Variants in EMG1 observed in about 807,000 individuals in gnomAD.
EMG1 encodes EMG1 N1-specific pseudouridine methyltransferase.
Under a neutral mutation model 26.9 loss-of-function variants are expected in EMG1, and 24 were observed. That is an observed-to-expected ratio of 0.89 (90% CI 0.65 to 1.26). EMG1 has a LOEUF of 1.26. EMG1 is among the 50% of genes most tolerant of loss of function. The pLI is 0.00. For missense variants in EMG1, 299 were observed against 307.6 expected, an observed-to-expected ratio of 0.97 and a Z score of 0.21; for synonymous variants, 140 against 112.6, an observed-to-expected ratio of 1.24 and a Z score of -1.54.
rs1946438166 is a variant in EMG1 at position 6,978,799 on chromosome 12, C to T, written c.*2990C>T. 1 of 1,492,460 alleles carries T rather than the reference C, an allele frequency of 6.7e-7. No individual in the cohort carries two copies. The highest frequency in any genetic ancestry group is 9.0e-7 in the Non-Finnish European group (1 of 1,110,242). 92.5% of individuals were successfully genotyped at this position (1,492,460 alleles called of 1,614,324 possible). ...TGGCTACTTCATACCTGCCTGAGTC[C>T]TGCTGCCAGATGCCCTCAATAGTCT... On this transcript the variant is annotated 3_prime_UTR_variant, in exon 6 of 6. Coordinates refer to ENST00000599672, the MANE Select transcript of EMG1 (RefSeq NM_006331.8).
At chr12:6,993,204 C>G (rs139449440), downstream of EMG1, among the ~76,000 whole-genome samples, 2,217 of 152,072 alleles carry the variant, frequency 0.015, 28 homozygotes, top group Admixed American at 0.022. Flanking sequence ...CTTTGGGAGC[C>G]GGAGGAGGGC....
chr12:6,978,182 G>T lies in EMG1; in HGVS notation c.*2373G>T. 1.2e-6 allele frequency: 1 copy of T among 805,742 alleles called. No homozygotes were observed. Among genetic ancestry groups the T allele is most frequent in the Non-Finnish European group, 2.0e-6 (1 of 509,940 alleles). The allele number at this position is 805,742 out of a possible 1,614,324, so 49.9% of individuals were successfully genotyped here. A position where few individuals can be genotyped will look rare whatever the true frequency, so the allele number is the denominator to read the frequency against. On this transcript the variant is annotated 3_prime_UTR_variant, in exon 6 of 6. Transcript: ENST00000599672. Reference sequence around the variant, plus strand: ...AATATGACAGTAATGGTTTTTTTGGGAGGGGGGTATAGGTGGGGGTCAAAG... The same window carrying T: ...AATATGACAGTAATGGTTTTTTTGGTAGGGGGGTATAGGTGGGGGTCAAAG...
At chr12:6,982,534 C>A, downstream of EMG1, 1 of 632,254 alleles carries the variant, frequency 1.6e-6, no homozygotes, top group South Asian at 2.0e-5. Flanking sequence ...TGATAAGCCA[C>A]CTACCTGAAG....
In EMG1 at chr12:6,974,340, T is replaced by C. The variant is rs2138320729; in HGVS notation, c.170T>C (p.Val57Ala). Residue 57 changes from valine to alanine, a missense_variant and splice_region_variant, in exon 2 of 6, where the codon GTA (valine) becomes GCA (alanine). By Grantham distance (64) the Val-to-Ala change is moderately conservative (BLOSUM62 0). Transcript: ENST00000599672. ...LEGASLETVK[V>A]GKTYELLNCD... ...CTCGTCATGTTCCCTGTTCTTCAGG[T>C]AGGGAAGACATATGAGCTACTCAAC... 6.2e-7 allele frequency: 1 copy of C among 1,606,638 alleles called. No individual in the cohort carries two copies. Among genetic ancestry groups the C allele is most frequent in the African/African-American group, 1.3e-5 (1 of 74,904 alleles).
Position 6,978,487 on chromosome 12 carries a change from C to T in EMG1, c.*2678C>T, listed in dbSNP as rs146035844. On this transcript the variant is annotated 3_prime_UTR_variant, in exon 6 of 6. Transcript: ENST00000599672. ...CTTCAAAGCCATTGAAGCCCAGGCC[C>T]GTCAAAATGCATACTCCTTCCTGAG... is the stretch of plus-strand genomic sequence containing the variant. The T allele has an allele frequency of 3.2e-5, 51 of 1,613,294 alleles. No individual in the cohort carries two copies. The highest frequency in any genetic ancestry group is 3.9e-5 in the Non-Finnish European group (46 of 1,179,488).
intron 6 of EMG1, among the ~76,000 whole-genome samples, chr12:6,985,134 G>T (rs1004014876): frequency 2.6e-4 from 38 of 145,910 alleles, no homozygotes; most frequent in African/African-American, 9.1e-4. Context: ...GCTCATGCCT[G>T]TAATCCCAGC....
chr12:6,986,168 A>G (rs1357108289), intron 6 of EMG1, among the ~76,000 whole-genome samples: 5 of 151,998 alleles, frequency 3.3e-5, no homozygotes, highest in Non-Finnish European at 7.4e-5. Context: ...TGATCAACAC[A>G]ATTTTGAACA....
intron 7 of EMG1, among the ~76,000 whole-genome samples, chr12:6,994,420 C>T (rs782358943): frequency 2.0e-5 from 3 of 152,108 alleles, no homozygotes; most frequent in African/African-American, 4.8e-5. Flanking sequence ...GTTGGCCAGG[C>T]TAGTCTCGAA....
Position 6,979,158 on chromosome 12 carries a change from G to T in EMG1, c.*3349G>T. On this transcript the variant is annotated 3_prime_UTR_variant, in exon 6 of 6. Transcript: ENST00000599672. ...ATGTATCAGTCAAGAGAAGAAAATA[G>T]GATGGAGAATCAGAAGCTGCTGTGC... The T allele has an allele frequency of 2.6e-6, 1 of 386,930 alleles. No individual in the cohort carries two copies. The highest frequency in any genetic ancestry group is 4.9e-5 in the East Asian group (1 of 20,406). 24.0% of individuals were successfully genotyped at this position (386,930 alleles called of 1,614,324 possible).
chr12:6,992,296 G>A (rs1176085959), downstream of EMG1, among the ~76,000 whole-genome samples: 16 of 151,244 alleles, frequency 1.1e-4, no homozygotes, highest in East Asian at 5.8e-4. Flanking sequence ...TGCCCCCACC[G>A]CACTCTAGCC....
chr12:6,995,121 CTT>C (rs34836555), intron 7 of EMG1, among the ~76,000 whole-genome samples: 572 of 144,772 alleles, frequency 4.0e-3, no homozygotes, highest in Admixed American at 4.5e-3. Flanking sequence ...CTTCTCTGGG[CTT>C]TTTTTTTTTT....
Position 6,975,122 on chromosome 12 carries a change from G to C in EMG1, c.445G>C (p.Ala149Pro), listed in dbSNP as rs1171472029. The change falls in exon 4 of 6, where the codon GCT becomes CCT. Residue 149 changes from alanine (A) to proline (P), a missense_variant. Coordinates refer to ENST00000599672, the MANE Select transcript of EMG1 (RefSeq NM_006331.8). Reference protein sequence around the residue: ...QLLHKLSVRAADGPQKLLKVI... With the variant: ...QLLHKLSVRAPDGPQKLLKVI... The stretch of plus-strand genomic sequence containing the variant: ...TTTACACAAGCTCAGTGTTCGAGCA[G>C]CTGATGGCCCCCAGAAGCTTTTGAA... The C allele has an allele frequency of 9.3e-6, 15 of 1,613,958 alleles. No individual in the cohort carries two copies. The highest frequency in any genetic ancestry group is 1.7e-5 in the Admixed American group (1 of 60,008).
downstream of EMG1, among the ~76,000 whole-genome samples, chr12:6,991,861 G>C (rs188672101): frequency 1.3e-5 from 2 of 152,232 alleles, no homozygotes; most frequent in Non-Finnish European, 2.9e-5. Context: ...TGCAGCAGAG[G>C]CGGTTTATGC....
intron 5 of EMG1, 71 bp downstream of exon 5, chr12:6,975,449 C>T (rs1555153022): frequency 1.4e-6 from 2 of 1,453,740 alleles, no homozygotes; most frequent in Non-Finnish European, 1.9e-6. Context: ...GAGCAGTAGG[C>T]ATTTTAACAA....
chr12:6,971,511 A>G (rs1447900297), intron 1 of EMG1, among the ~76,000 whole-genome samples: 1 of 152,018 alleles, frequency 6.6e-6, no homozygotes, highest in Non-Finnish European at 1.5e-5. Context: ...CCTGACCTCA[A>G]GTGATCCGCC....
rs1565595258 is a variant in EMG1, at chr12:6,976,281, TGGGGGGGGTGGTGG to T, written c.*473_*486del. The T allele has an allele frequency of 6.6e-6, 1 of 152,448 alleles. No individual in the cohort carries two copies. The highest frequency in any genetic ancestry group is 1.5e-5 in the Non-Finnish European group (1 of 68,696). 9.4% of individuals were successfully genotyped at this position (152,448 alleles called of 1,614,324 possible). On this transcript the variant is annotated 3_prime_UTR_variant, in exon 6 of 6. Transcript: ENST00000599672. ...CCTTGCACCCCTCTCCACCCCCCCA[TGGGGGGGGTGGTGG>T]TAGCGGCACATACACAATCATAGTA...
At chr12:6,973,160 G>A (rs1327371570) in intron 1 of EMG1, among the ~76,000 whole-genome samples, 1 of 151,816 alleles carries the variant, frequency 6.6e-6, no homozygotes, top group East Asian at 1.9e-4. Flanking sequence ...GATTCCATCT[G>A]TACCTTTGCT....
At chr12:6,981,518 G>A (rs1442730790), downstream of EMG1, 1 of 1,451,482 alleles carries the variant, frequency 6.9e-7, no homozygotes. Context: ...TGGAATTTGG[G>A]TTCAGTCTTT....
In EMG1 at chr12:6,971,022, G is replaced by C. The variant is rs1946317748; in HGVS notation, c.99G>C (p.Gly33=). ...TGCCACCCAAGCGGCCCCGACTAGG[G>C]GCAGGAAACAAGATCGGAGGCCGTA... ...DALPPKRPRL[G]AGNKIGGRRL... is the part of the protein sequence containing the mutation. The change falls in exon 1 of 6, where the codon GGG becomes GGC. Residue 33 remains glycine (G), a synonymous_variant. Transcript: ENST00000599672. The C allele has an allele frequency of 6.2e-7, 1 of 1,612,034 alleles. No homozygotes were observed.
Sources: gnomAD v4.1 joint callset for allele counts (sites outside exome capture counted in the v4.1 genomes callset) on GRCh38, gnomAD v4.1.1 for gene constraint, MANE v1.5 for transcripts, NCBI Gene and HGNC (gene_info 2026-07-23, HGNC 2026-07-21) for gene names.